TF: variants seen among roughly 807,000 people sequenced by gnomAD.
The protein encoded by TF is serotransferrin.
A neutral mutation model predicts 82.4 loss-of-function variants in TF; 55 were observed. That is an observed-to-expected ratio of 0.67 (90% CI 0.54 to 0.84). TF has a LOEUF of 0.84. TF is among the 40% of genes least tolerant of loss of function. The probability of loss-of-function intolerance (pLI) is 0.00; values close to 1 mark genes in which losing one functional copy is unlikely to be tolerated. For synonymous variants in TF, 332 were observed against 332.6 expected, an observed-to-expected ratio of 1.00 and a Z score of 0.02; for missense variants, 737 against 868.4, an observed-to-expected ratio of 0.85 and a Z score of 1.90.
chr3:133,726,621 T>C, the TF span, among the ~76,000 whole-genome samples: 3 of 151,324 alleles, frequency 2.0e-5, no homozygotes, highest in East Asian at 3.9e-4. Flanking sequence ...CCTGGATTCA[T>C]TAATTTTTTG....
At chr3:133,672,265 T>G in the TF span, among the ~76,000 whole-genome samples, 1 of 152,304 alleles carries the variant, frequency 6.6e-6, no homozygotes, top group South Asian at 2.1e-4. Context: ...GTGGCTTCAC[T>G]GGTGAGGCCT....
At chr3:133,729,508 G>A in the TF span, among the ~76,000 whole-genome samples, 4 of 152,196 alleles carry the variant, frequency 2.6e-5, no homozygotes, top group South Asian at 2.1e-4. Flanking sequence ...TAAGCCCGTC[G>A]GAAAAGCGCA....
At chr3:133,714,015 C>A in the TF span, among the ~76,000 whole-genome samples, 3 of 152,152 alleles carry the variant, frequency 2.0e-5, no homozygotes, top group Admixed American at 2.0e-4. Flanking sequence ...GCATCAGCAA[C>A]CAGTTTTAGA....
At position 133,778,715 on chromosome 3, in the gene TF, A is replaced by T; in HGVS notation, c.*95A>T. Reference sequence around the variant, plus strand: ...TCACTGGCCCAAGTGGTTTGTGCTAACCACGTCTGTCTTCACAGCTCTGTG... The same window carrying T: ...TCACTGGCCCAAGTGGTTTGTGCTATCCACGTCTGTCTTCACAGCTCTGTG... On this transcript the variant is annotated 3_prime_UTR_variant, in exon 17 of 17. Coordinates refer to ENST00000402696, the MANE Select transcript of TF (RefSeq NM_001063.4). 1 of 1,319,054 alleles carries T rather than the reference A, an allele frequency of 7.6e-7. No individual in the cohort carries two copies. The highest frequency in any genetic ancestry group is 1.2e-5 in the South Asian group (1 of 82,400). 81.7% of individuals were successfully genotyped at this position (1,319,054 alleles called of 1,614,324 possible). A position where few individuals can be genotyped will look rare whatever the true frequency, so the allele number is the denominator to read the frequency against.
chr3:133,757,013 T>C lies in TF; in HGVS notation c.870+4T>C. 1 of 1,614,062 alleles carries C rather than the reference T, an allele frequency of 6.2e-7. No homozygotes were observed. Among genetic ancestry groups the C allele is most frequent in the Non-Finnish European group, 8.5e-7 (1 of 1,179,956 alleles). On this transcript the variant is annotated splice_donor_region_variant and intron_variant, in intron 7 of 16. Transcript: ENST00000402696. ...GGAGCTTCTCAACCAGGCCCAGGTA[T>C]CCCCACCTGCCATCCTCCCCTCCAG...
chr3:133,684,360 A>T, the TF span, among the ~76,000 whole-genome samples: 4 of 152,226 alleles, frequency 2.6e-5, no homozygotes, highest in African/African-American at 4.8e-5. Flanking sequence ...ATCAGAGCAG[A>T]ACTGAAGGAG....
At chr3:133,693,207 T>A in the TF span, among the ~76,000 whole-genome samples, 94,253 of 152,022 alleles carry the variant, frequency 0.62, 29,840 homozygotes, top group African/African-American at 0.74. Flanking sequence ...ACTGAGGCCC[T>A]CTAAGAAAAG....
At chr3:133,677,873 T>C in the TF span, among the ~76,000 whole-genome samples, 1 of 152,030 alleles carries the variant, frequency 6.6e-6, no homozygotes, top group African/African-American at 2.4e-5. Flanking sequence ...ATTTTTTTAT[T>C]ATAATACTTT....
intron 12 of TF, 94 bp downstream of exon 12, chr3:133,766,527 G>C (rs1525891): frequency 0.23 from 358,446 of 1,536,958 alleles, 44,709 homozygotes; most frequent in Non-Finnish European, 0.26. Context: ...GGTGCTGTGG[G>C]CTCTGGTTCT....
the TF span, among the ~76,000 whole-genome samples, chr3:133,698,395 T>C: frequency 4.4e-4 from 67 of 152,234 alleles, no homozygotes; most frequent in African/African-American, 1.5e-3. Flanking sequence ...ATGAACTGGG[T>C]GGTTTAAGCA....
At chr3:133,726,218 T>C in the TF span, among the ~76,000 whole-genome samples, 1 of 152,172 alleles carries the variant, frequency 6.6e-6, no homozygotes, top group Non-Finnish European at 1.5e-5. Context: ...ATTGGAATAG[T>C]CTCAGAAGGA....
chr3:133,767,952 C>T (rs1934165698), intron 12 of TF, 77 bp from the exon 13 acceptor site: 31 of 1,561,988 alleles, frequency 2.0e-5, no homozygotes, highest in Non-Finnish European at 2.7e-5. Context: ...ATGGGCCATG[C>T]AGCCCTGTTA....
the TF span, among the ~76,000 whole-genome samples, chr3:133,703,652 G>A: frequency 2.6e-5 from 4 of 152,228 alleles, no homozygotes; most frequent in African/African-American, 9.6e-5. Flanking sequence ...AAAACAAAGA[G>A]CATGTATATG....
At position 133,795,258 on chromosome 3, in the gene TF, G is replaced by A. The variant is rs1205113969; in HGVS notation, c.*16638G>A. 1 of 152,172 alleles carries A rather than the reference G, an allele frequency of 6.6e-6. No individual in the cohort carries two copies. Among genetic ancestry groups the A allele is most frequent in the Non-Finnish European group, 1.5e-5 (1 of 68,030 alleles). 9.4% of individuals were successfully genotyped at this position (152,172 alleles called of 1,614,324 possible). On this transcript the variant is annotated 3_prime_UTR_variant, in exon 17 of 17. Transcript: ENST00000402696. ...AGGAGGTTTGGTTTATGGTGACCCT[G>A]GATAAGGAGCATACTTACTCTCAAC...
upstream of TF, among the ~76,000 whole-genome samples, chr3:133,745,517 A>C (rs1475742987): frequency 6.6e-6 from 1 of 152,204 alleles, no homozygotes; most frequent in Non-Finnish European, 1.5e-5. Context: ...AGAAGGCACA[A>C]GTTCAATATT....
intron 9 of TF, 136 bp from the exon 10 acceptor site, chr3:133,764,046 G>C: frequency 1.3e-6 from 1 of 749,714 alleles, no homozygotes; most frequent in Non-Finnish European, 2.4e-6. Flanking sequence ...CTGATCTTTT[G>C]GGGGTTCAGT....
the TF span, among the ~76,000 whole-genome samples, chr3:133,693,378 T>A: frequency 6.6e-6 from 1 of 152,186 alleles, no homozygotes. Context: ...CCCTGTTCAG[T>A]TATGTTGAGG....
chr3:133,736,210 C>T, the TF span, among the ~76,000 whole-genome samples: 1 of 152,146 alleles, frequency 6.6e-6, no homozygotes, highest in South Asian at 2.1e-4. Context: ...AACTAAGCTT[C>T]CTAAGTGAAG....
the TF span, among the ~76,000 whole-genome samples, chr3:133,697,882 A>C: frequency 6.6e-6 from 1 of 152,262 alleles, no homozygotes; most frequent in Non-Finnish European, 1.5e-5. Flanking sequence ...CCCAAAGACC[A>C]TCTGATGCAG....
Sources: allele counts gnomAD v4.1 joint callset (sites outside exome capture counted in the v4.1 genomes callset), GRCh38; gene constraint gnomAD v4.1.1; transcripts MANE v1.5; gene names NCBI Gene and HGNC (gene_info 2026-07-23, HGNC 2026-07-21).